The following TSHZ2 variants were observed in gnomAD, a reference collection of about 807,000 sequenced individuals.
TSHZ2 encodes teashirt zinc finger homeobox 2, also known as teashirt homolog 2.
Under a neutral mutation model 74.4 loss-of-function variants are expected in TSHZ2, and 21 were observed. The observed-to-expected ratio is 0.28, with a 90% CI of 0.20 to 0.41. TSHZ2 has a LOEUF of 0.41. TSHZ2 is among the 10% of genes least tolerant of loss of function. The pLI, the probability that TSHZ2 is intolerant of heterozygous loss-of-function variation, is 1.00. For synonymous variants in TSHZ2, 540 were observed against 515.3 expected (o/e 1.05, Z -0.65); for missense variants, 1,244 against 1,293.5 (o/e 0.96, Z 0.59).
At chr20:53,327,325 A>G (rs1979535642) in intron 2 of TSHZ2, among the ~76,000 whole-genome samples, 1 of 152,148 alleles carries the variant, frequency 6.6e-6, no homozygotes, top group African/African-American at 2.4e-5. Context: ...CATTAACTCT[A>G]TTATTTACTA....
intron 2 of TSHZ2, among the ~76,000 whole-genome samples, chr20:53,471,803 CTTTTTT>C (rs58027394): frequency 1.0e-4 from 9 of 87,282 alleles, no homozygotes; most frequent in Non-Finnish European, 1.8e-4. Context: ...CTTTTCTTTT[CTTTTTT>C]TTTTTTTTTT....
chr20:53,051,630 G>A (rs1984472450), intron 1 of TSHZ2, among the ~76,000 whole-genome samples: 1 of 152,148 alleles, frequency 6.6e-6, no homozygotes, highest in Non-Finnish European at 1.5e-5. Context: ...TGGCTTGTCT[G>A]AGTTACTTAC....
intron 1 of TSHZ2, among the ~76,000 whole-genome samples, chr20:53,012,233 A>G (rs1050527814): frequency 6.6e-6 from 1 of 152,180 alleles, no homozygotes; most frequent in African/African-American, 2.4e-5. Context: ...GATATCCAGT[A>G]GGTACCTCTG....
intron 2 of TSHZ2, among the ~76,000 whole-genome samples, chr20:53,393,609 G>A (rs145534405): frequency 6.3e-4 from 96 of 151,756 alleles, no homozygotes; most frequent in African/African-American, 1.7e-3. Flanking sequence ...TCTTAGTTTC[G>A]GTGGTGATTA....
At chr20:53,225,430 G>T (rs1358984043) in intron 1 of TSHZ2, among the ~76,000 whole-genome samples, 1 of 152,206 alleles carries the variant, frequency 6.6e-6, no homozygotes, top group Non-Finnish European at 1.5e-5. Flanking sequence ...ACCCATTAAC[G>T]GAGAGAGCTG....
At chr20:53,332,007 C>T (rs2145549814) in intron 2 of TSHZ2, among the ~76,000 whole-genome samples, 1 of 152,266 alleles carries the variant, frequency 6.6e-6, no homozygotes, top group East Asian at 1.9e-4. Context: ...CTTCACTGCC[C>T]TCCTCTGGGG....
intron 1 of TSHZ2, among the ~76,000 whole-genome samples, chr20:52,988,007 C>A (rs960378951): frequency 6.6e-6 from 1 of 152,086 alleles, no homozygotes. Context: ...TTTTCAATGA[C>A]TTCTCTTCTT....
chr20:53,193,026 G>A (rs1028738404), intron 1 of TSHZ2, among the ~76,000 whole-genome samples: 2 of 152,110 alleles, frequency 1.3e-5, no homozygotes, highest in Admixed American at 6.5e-5. Flanking sequence ...GGGGACATGC[G>A]GAACGCTCTT....
chr20:53,355,207 G>A (rs943613458), intron 2 of TSHZ2, among the ~76,000 whole-genome samples: 4 of 152,158 alleles, frequency 2.6e-5, no homozygotes, highest in African/African-American at 9.7e-5. Flanking sequence ...AACTACAAAT[G>A]ATAAGTGTTC....
chr20:53,028,997 T>C (rs1983544984), intron 1 of TSHZ2, among the ~76,000 whole-genome samples: 1 of 152,256 alleles, frequency 6.6e-6, no homozygotes, highest in African/African-American at 2.4e-5. Flanking sequence ...TTCAAAACTA[T>C]GCTTTTCTAA....
In TSHZ2 at chr20:53,256,282, A is replaced by C. The variant is rs765271816; in HGVS notation, c.2824A>C (p.Ile942Leu). ...CCAGTTCAGAACCCCTTCTACCTACATCAGTCACTTAGAATCTCACCTGGG... is the reference window on the plus strand; with the variant it reads ...CCAGTTCAGAACCCCTTCTACCTACCTCAGTCACTTAGAATCTCACCTGGG... ...ASQFRTPSTY[I>L]SHLESHLGFQ... The change falls in exon 2 of 3, where the codon ATC becomes CTC. Residue 942 changes from isoleucine (I) to leucine (L), a missense_variant. Coordinates refer to ENST00000371497, the MANE Select transcript of TSHZ2 (RefSeq NM_173485.6). This position sits in a 1 kb window ranked among gnomAD's most constrained non-coding sequence, Gnocchi z 4.3. 1 of 1,614,118 alleles carries C rather than the reference A, an allele frequency of 6.2e-7. No homozygotes were observed. The highest frequency in any genetic ancestry group is 8.5e-7 in the Non-Finnish European group (1 of 1,179,992).
At chr20:53,155,777 A>AACAC (rs1987780215) in intron 1 of TSHZ2, among the ~76,000 whole-genome samples, 1 of 151,606 alleles carries the variant, frequency 6.6e-6, no homozygotes, top group Non-Finnish European at 1.5e-5. Flanking sequence ...GGTAGATCTC[A>AACAC]ATGTTGTGAT....
intron 1 of TSHZ2, among the ~76,000 whole-genome samples, chr20:52,975,351 C>A (rs1981290889): frequency 6.6e-6 from 1 of 151,818 alleles, no homozygotes; most frequent in Non-Finnish European, 1.5e-5. Flanking sequence ...AAGCTCATTA[C>A]AAAAAGTGCA....
intron 2 of TSHZ2, among the ~76,000 whole-genome samples, chr20:53,472,948 C>T (rs533455902): frequency 1.2e-4 from 19 of 152,096 alleles, no homozygotes; most frequent in East Asian, 7.8e-4. Context: ...GCTTTTCCGA[C>T]GGGCTTAAAA....
At chr20:53,231,083 C>T (rs1000323780) in intron 1 of TSHZ2, among the ~76,000 whole-genome samples, 2 of 152,300 alleles carry the variant, frequency 1.3e-5, no homozygotes, top group African/African-American at 4.8e-5. Context: ...AAAGCAGCAG[C>T]AACTTCACTT....
rs1230457886 is a variant in TSHZ2 at position 53,469,630 on chromosome 20, GAGGGAGGA to G, written c.*9-17510_*9-17503del. On this transcript the variant is annotated intron_variant, in intron 2 of 2. Transcript: ENST00000371497. ...AAAGATAGATAGAGAGGGAGGAAGG[GAGGGAGGA>G]AGGAAGGAAGGAAGGAAGGAAGGAA... Among the ~76,000 whole-genome samples, 51 of 43,046 alleles carry G rather than the reference GAGGGAGGA, an allele frequency of 1.2e-3. 4 individuals are homozygous for G. Among genetic ancestry groups the G allele is most frequent in the Admixed American group, 5.3e-3 (21 of 3,956 alleles). The allele number at this position is 43,046 out of a possible 152,430, so 28.2% of individuals were successfully genotyped here.
At chr20:53,180,538 G>A (rs905970044) in intron 1 of TSHZ2, among the ~76,000 whole-genome samples, 2 of 152,082 alleles carry the variant, frequency 1.3e-5, no homozygotes, top group Non-Finnish European at 2.9e-5. Flanking sequence ...CCTGATTTTG[G>A]TTCAGTCTTG....
In TSHZ2 at chr20:53,253,998, C is replaced by A. The variant is rs372069956; in HGVS notation, c.540C>A (p.Asn180Lys). The change falls in exon 2 of 3, where the codon AAC (asparagine) becomes AAA (lysine). Residue 180 changes from asparagine to lysine, a missense_variant. Physicochemically the swap from Asn to Lys is moderately conservative, Grantham distance 94. Coordinates refer to ENST00000371497, the MANE Select transcript of TSHZ2 (RefSeq NM_173485.6). ...CTCTGTCCAAAAGCCTGCAGCAGAACTTGCCTTCTCGGTCCGTCTCGAAAC... is the reference window on the plus strand; with the variant it reads ...CTCTGTCCAAAAGCCTGCAGCAGAAATTGCCTTCTCGGTCCGTCTCGAAAC... ...QDALSKSLQQ[N>K]LPSRSVSKPS... 3.1e-6 allele frequency: 5 copies of A among 1,614,050 alleles called. No homozygotes were observed. Among genetic ancestry groups the A allele is most frequent in the Non-Finnish European group, 4.2e-6 (5 of 1,180,050 alleles).
chr20:53,345,775 T>G (rs1051604810), intron 2 of TSHZ2, among the ~76,000 whole-genome samples: 1 of 148,282 alleles, frequency 6.7e-6, no homozygotes, highest in Non-Finnish European at 1.5e-5. Context: ...CACCCCTCAT[T>G]TCTCTCCCCT....
Sources: gnomAD v4.1 joint callset for allele counts (sites outside exome capture counted in the v4.1 genomes callset) on GRCh38, gnomAD v4.1.1 for gene constraint, Gnocchi (gnomAD v3.1) non-coding constraint, MANE v1.5 for transcripts, NCBI Gene and HGNC (gene_info 2026-07-23, HGNC 2026-07-21) for gene names.